Variants in RALGPS1 observed in about 807,000 individuals in gnomAD.
RALGPS1 encodes the protein ras-specific guanine nucleotide-releasing factor RalGPS1.
Under a neutral mutation model 78.8 loss-of-function variants are expected in RALGPS1, and 19 were observed. The ratio of observed to expected loss-of-function variants is 0.24; its 90% confidence interval spans 0.17 to 0.35. The LOEUF is 0.35. RALGPS1 is among the 10% of genes least tolerant of loss of function. The probability of loss-of-function intolerance (pLI) is 1.00; values close to 1 mark genes in which losing one functional copy is unlikely to be tolerated. For synonymous variants in RALGPS1, 228 were observed against 256.3 expected, an observed-to-expected ratio of 0.89 and a Z score of 1.06; for missense variants, 454 against 688.3, an observed-to-expected ratio of 0.66 and a Z score of 3.81.
intron 1 of RALGPS1, among the ~76,000 whole-genome samples, chr9:126,937,332 T>TG (rs1174275764): frequency 6.6e-6 from 1 of 152,084 alleles, no homozygotes; most frequent in East Asian, 1.9e-4. Flanking sequence ...GGAGGAAGGA[T>TG]GAGAGAGTGG....
At chr9:127,123,459 G>A (rs1183935721) in intron 8 of RALGPS1, among the ~76,000 whole-genome samples, 1 of 152,210 alleles carries the variant, frequency 6.6e-6, no homozygotes, top group Non-Finnish European at 1.5e-5. Flanking sequence ...CACGTGGGAA[G>A]GAGCTTGGCA....
intron 5 of RALGPS1, among the ~76,000 whole-genome samples, chr9:127,044,585 T>C (rs188383037): frequency 7.8e-4 from 118 of 152,254 alleles, no homozygotes; most frequent in African/African-American, 2.7e-3. Flanking sequence ...AATAATTTCA[T>C]GTTTTATTTT....
intron 8 of RALGPS1, among the ~76,000 whole-genome samples, chr9:127,110,834 C>A (rs1291329309): frequency 6.6e-6 from 1 of 152,174 alleles, no homozygotes; most frequent in Non-Finnish European, 1.5e-5. Context: ...TCCCTGCCAC[C>A]ACCCTGTTGC....
intron 1 of RALGPS1, among the ~76,000 whole-genome samples, chr9:126,930,706 G>T (rs898597613): frequency 6.6e-6 from 1 of 152,326 alleles, no homozygotes; most frequent in African/African-American, 2.4e-5. Context: ...TGATCTGCCT[G>T]CCACAGCCTC....
chr9:127,106,518 C>T (rs2054229563), intron 8 of RALGPS1, among the ~76,000 whole-genome samples: 1 of 152,184 alleles, frequency 6.6e-6, no homozygotes, highest in South Asian at 2.1e-4. Flanking sequence ...TTTAATCTAT[C>T]CTCAATTAAC....
chr9:127,132,357 C>G (rs1178317377), intron 8 of RALGPS1, among the ~76,000 whole-genome samples: 1 of 152,184 alleles, frequency 6.6e-6, no homozygotes. Context: ...TCCTATAAAT[C>G]GTCTTGCAGA....
At chr9:127,217,484 G>T in intron 18 of RALGPS1, 2 of 970,316 alleles carry the variant, frequency 2.1e-6, no homozygotes, top group Non-Finnish European at 2.5e-6. Context: ...TTTCTGTTCT[G>T]TGGAACTGCA....
At chr9:127,215,259 AC>A (rs1338165573) in intron 18 of RALGPS1, among the ~76,000 whole-genome samples, 1 of 152,142 alleles carries the variant, frequency 6.6e-6, no homozygotes, top group Non-Finnish European at 1.5e-5. Context: ...TAGCTAACTT[AC>A]TGACAGCCAG....
intron 12 of RALGPS1, among the ~76,000 whole-genome samples, chr9:127,196,066 A>T (rs899760835): frequency 6.6e-6 from 1 of 152,234 alleles, no homozygotes; most frequent in Admixed American, 6.5e-5. Context: ...ATGAGGTTCA[A>T]CAAGGTGAAG....
At chr9:127,120,827 CAA>C (rs968011060) in intron 8 of RALGPS1, among the ~76,000 whole-genome samples, 37 of 121,810 alleles carry the variant, frequency 3.0e-4, no homozygotes, top group South Asian at 1.6e-3. Flanking sequence ...GACTCCATCT[CAA>C]AAAAAAAAAA....
intron 10 of RALGPS1, among the ~76,000 whole-genome samples, chr9:127,173,931 T>G (rs188847128): frequency 2.3e-4 from 35 of 151,778 alleles, no homozygotes; most frequent in Admixed American, 9.8e-4. Context: ...GAGAATCGCT[T>G]GAACCTGGGA....
chr9:127,211,390 C>T lies in RALGPS1; in HGVS notation c.1248-741C>T, dbSNP rs1288577304. On this transcript the variant is annotated intron_variant, in intron 14 of 18. Coordinates refer to ENST00000259351, the MANE Select transcript of RALGPS1 (RefSeq NM_014636.3). This position sits in a 1 kb window ranked among gnomAD's most constrained non-coding sequence, Gnocchi z 5.0. ...AGTGGCCTGAGGTGTAGTGGGATGG[C>T]GAAGATGGATGGTCAGACATATTTA... is the stretch of plus-strand genomic sequence containing the variant. Among the ~76,000 whole-genome samples, 1 of 152,038 alleles carries T rather than the reference C, an allele frequency of 6.6e-6. No homozygotes were observed. The highest frequency in any genetic ancestry group is 1.5e-5 in the Non-Finnish European group (1 of 68,010).
rs550302193 is a variant in RALGPS1, at chr9:127,078,557, A to G, written c.610+9201A>G. Among the ~76,000 whole-genome samples, 4 of 152,260 alleles carry G rather than the reference A, an allele frequency of 2.6e-5. No homozygotes were observed. In the East Asian group the frequency reaches 7.7e-4, roughly 29 times the overall value. ...CCATGGAAATAAACAGTAGAAGGAA[A>G]ACATGTGGGGGCCAAGAAAGGAGCA... On this transcript the variant is annotated intron_variant, in intron 8 of 18. Transcript: ENST00000259351.
chr9:127,079,111 G>T (rs1008525781), intron 8 of RALGPS1, among the ~76,000 whole-genome samples: 1 of 152,164 alleles, frequency 6.6e-6, no homozygotes, highest in African/African-American at 2.4e-5. Flanking sequence ...TTTAACCTCT[G>T]GGTAAAACCA....
intron 8 of RALGPS1, among the ~76,000 whole-genome samples, chr9:127,084,179 G>C (rs1029177484): frequency 6.6e-6 from 1 of 151,972 alleles, no homozygotes; most frequent in Non-Finnish European, 1.5e-5. Flanking sequence ...CTCCCACCTC[G>C]ACCTCCCAAA....
intron 8 of RALGPS1, 45 bp downstream of exon 8, chr9:127,069,401 G>T (rs552199602): frequency 1.3e-6 from 2 of 1,596,716 alleles, no homozygotes; most frequent in African/African-American, 1.4e-5. Flanking sequence ...AACCTACTCG[G>T]TGCCAAATAA....
At chr9:127,075,898 G>A (rs928841585) in intron 8 of RALGPS1, among the ~76,000 whole-genome samples, 1 of 152,196 alleles carries the variant, frequency 6.6e-6, no homozygotes, top group African/African-American at 2.4e-5. Context: ...CCTTTATGTA[G>A]TACTAGCCTT....
chr9:126,924,642 A>G (rs2035091480), intron 1 of RALGPS1, among the ~76,000 whole-genome samples: 4 of 152,236 alleles, frequency 2.6e-5, no homozygotes. Flanking sequence ...ATGAGGCTTA[A>G]GTCAGAACAA....
At chr9:127,037,974 T>C (rs549883891) in intron 5 of RALGPS1, among the ~76,000 whole-genome samples, 119 of 152,322 alleles carry the variant, frequency 7.8e-4, no homozygotes, top group African/African-American at 2.8e-3. Flanking sequence ...ATCAGGGTGT[T>C]CTGGAAGGAA....
Sources: allele counts gnomAD v4.1 joint callset (sites outside exome capture counted in the v4.1 genomes callset), GRCh38; gene constraint gnomAD v4.1.1; non-coding constraint Gnocchi (gnomAD v3.1); transcripts MANE v1.5; gene names NCBI Gene and HGNC (gene_info 2026-07-23, HGNC 2026-07-21).